The following RIPOR1 variants were observed in gnomAD, a reference collection of about 807,000 sequenced individuals.
The protein encoded by RIPOR1 is RHO family interacting cell polarization regulator 1, also known as rho family-interacting cell polarization regulator 1.
RIPOR1 carries 58 observed loss-of-function variants against 116.5 expected under a neutral mutation model. The observed-to-expected ratio is 0.50, with a 90% CI of 0.40 to 0.62. RIPOR1 has a LOEUF of 0.62. Ranked by LOEUF, RIPOR1 falls within the 20% of genes least tolerant of loss-of-function variation. The pLI is 0.00. For synonymous variants in RIPOR1, 605 were observed against 650.0 expected, an observed-to-expected ratio of 0.93 and a Z score of 1.05; for missense variants, 1,372 against 1,586.2, an observed-to-expected ratio of 0.86 and a Z score of 2.29.
At position 67,529,693 on chromosome 16, in the gene RIPOR1, G is replaced by A; in HGVS notation, c.-24+779G>A. ...CCCTCCCCAGCCAGTTCTAACGTGT[G>A]TCCAGGCTGGCCGCCCCAGCACCTA... On this transcript the variant is annotated intron_variant, in intron 1 of 21. Transcript: ENST00000042381. This position sits in a 1 kb window ranked among gnomAD's most constrained non-coding sequence, Gnocchi z 4.1. The A allele has an allele frequency of 6.8e-7, 1 of 1,461,738 alleles. No homozygotes were observed. Among genetic ancestry groups the A allele is most frequent in the Non-Finnish European group, 9.2e-7 (1 of 1,091,180 alleles). 90.5% of individuals were successfully genotyped at this position (1,461,738 alleles called of 1,614,324 possible).
In RIPOR1 at chr16:67,545,764, C is replaced by T. The variant is rs774470272; in HGVS notation, c.3291C>T (p.Ala1097=). The part of the protein sequence containing the change: ...EGRLRRDGLR[A]LSSLLVHGNN... ...GTCTGCGAAGGGACGGGCTGCGGGC[C>T]CTCAGCTCCCTGCTCGTCCATGGCA... The change falls in exon 19 of 22, where the codon GCC becomes GCT. Residue 1097 remains alanine (A), a synonymous_variant. Coordinates refer to ENST00000042381, the MANE Select transcript of RIPOR1 (RefSeq NM_024519.4). This position sits in a 1 kb window ranked among gnomAD's most constrained non-coding sequence, Gnocchi z 4.8. 1.6e-5 allele frequency: 26 copies of T among 1,612,590 alleles called. No individual in the cohort carries two copies. The South Asian group carries it at 2.9e-4, about 18-fold the overall frequency.
chr16:67,538,235 G>C (rs113891100), intron 1 of RIPOR1, 189 bp from the exon 2 acceptor site: 1 of 617,936 alleles, frequency 1.6e-6, no homozygotes, highest in African/African-American at 1.9e-5. Flanking sequence ...CGCTGAGTCC[G>C]AGGCCGAGTC....
Position 67,530,325 on chromosome 16 carries a change from G to T in RIPOR1, c.-24+1411G>T, listed in dbSNP as rs2050624568. Among the ~76,000 whole-genome samples the T allele has an allele frequency of 6.6e-6, 1 of 152,198 alleles. No individual in the cohort carries two copies. On this transcript the variant is annotated intron_variant, in intron 1 of 21. Transcript: ENST00000042381. The surrounding 1 kb of genome is among the most constrained non-coding windows in gnomAD (Gnocchi z 4.5). ...AGGGAGGGGGCCGGCAGGAAGTGAG[G>T]CCACCCGACAGCCTCCGCCCGGTTC... is the stretch of plus-strand genomic sequence containing the variant.
At position 67,529,960 on chromosome 16, in the gene RIPOR1, G is replaced by C. The variant is rs911569120; in HGVS notation, c.-24+1046G>C. 1.0e-5 allele frequency: 8 copies of C among 786,754 alleles called. No homozygotes were observed. Among genetic ancestry groups the C allele is most frequent in the Admixed American group, 1.0e-4 (5 of 49,762 alleles). The allele number at this position is 786,754 out of a possible 1,614,324, so 48.7% of individuals were successfully genotyped here. ...ACCCACCTCCGTGGTATTGGAGGGAGGAGAGGAATGATAATTGGGGGCTGA... is the reference window on the plus strand; with the variant it reads ...ACCCACCTCCGTGGTATTGGAGGGACGAGAGGAATGATAATTGGGGGCTGA... On this transcript the variant is annotated intron_variant, in intron 1 of 21. Coordinates refer to ENST00000042381, the MANE Select transcript of RIPOR1 (RefSeq NM_024519.4). The surrounding 1 kb of genome is among the most constrained non-coding windows in gnomAD (Gnocchi z 4.1).
intron 1 of RIPOR1, among the ~76,000 whole-genome samples, chr16:67,536,835 C>T (rs1415706911): frequency 6.6e-6 from 1 of 152,186 alleles, no homozygotes; most frequent in East Asian, 1.9e-4. Flanking sequence ...AATCAGCACC[C>T]TTAGCCCATC....
chr16:67,527,683 T>C (rs1377769201), upstream of RIPOR1, among the ~76,000 whole-genome samples: 2 of 152,124 alleles, frequency 1.3e-5, no homozygotes, highest in Non-Finnish European at 2.9e-5. Flanking sequence ...GAGACCATCC[T>C]GGCTAACATG....
In RIPOR1 at chr16:67,544,268, T is replaced by C; in HGVS notation, c.2601-31T>C. ...TGGTGACCAGGTGGTGATGTGTGCC[T>C]GTGGGGTGGTGGACCCCATTTTTCC... On this transcript the variant is annotated intron_variant, in intron 14 of 21. Transcript: ENST00000042381. This position sits in a 1 kb window ranked among gnomAD's most constrained non-coding sequence, Gnocchi z 5.1. 1 of 1,582,096 alleles carries C rather than the reference T, an allele frequency of 6.3e-7. No homozygotes were observed. The highest frequency in any genetic ancestry group is 2.3e-5 in the East Asian group (1 of 44,018).
At chr16:67,538,642 T>C in intron 2 of RIPOR1, 30 bp from the exon 3 acceptor site, 2 of 1,610,828 alleles carry the variant, frequency 1.2e-6, no homozygotes, top group Non-Finnish European at 1.7e-6. Flanking sequence ...ACTCCTGCTC[T>C]CCTCTTTCTG....
Position 67,537,695 on chromosome 16 carries a change from TG to T in RIPOR1, c.-23-724del, listed in dbSNP as rs1479275692. 2.4e-6 allele frequency: 2 copies of T among 827,824 alleles called. No homozygotes were observed. Among genetic ancestry groups the T allele is most frequent in the Non-Finnish European group, 1.6e-6 (1 of 610,590 alleles). The allele number at this position is 827,824 out of a possible 1,614,324, so 51.3% of individuals were successfully genotyped here. ...GAGTGTGTGTTTCGCCGAAGCGGGG[TG>T]GGGGTCTGCCGAGGAGCTCTCCCCG... On this transcript the variant is annotated intron_variant, in intron 1 of 21. Coordinates refer to ENST00000042381, the MANE Select transcript of RIPOR1 (RefSeq NM_024519.4). This position sits in a 1 kb window ranked among gnomAD's most constrained non-coding sequence, Gnocchi z 4.6.
intron 5 of RIPOR1, 28 bp downstream of exon 5, chr16:67,539,779 G>A: frequency 6.2e-7 from 1 of 1,614,182 alleles, no homozygotes; most frequent in Non-Finnish European, 8.5e-7. Context: ...GGTACTGGAA[G>A]GGGTTGGCTC....
chr16:67,526,448 T>C (rs1251186100), upstream of RIPOR1, among the ~76,000 whole-genome samples: 1 of 151,828 alleles, frequency 6.6e-6, no homozygotes, highest in East Asian at 1.9e-4. Context: ...TGGGTGGGCA[T>C]GGTAGGGGGA....
At position 67,531,357 on chromosome 16, in the gene RIPOR1, C is replaced by T. The variant is rs1445660848; in HGVS notation, c.-24+2443C>T. On this transcript the variant is annotated intron_variant, in intron 1 of 21. Coordinates refer to ENST00000042381, the MANE Select transcript of RIPOR1 (RefSeq NM_024519.4). The surrounding 1 kb of genome is among the most constrained non-coding windows in gnomAD (Gnocchi z 4.2). Reference sequence around the variant, plus strand: ...CATCTCCCAGGTGCTACAGGACCCCCAGAGCGCTGTGGTGAGCCAAGCAGA... The same window carrying T: ...CATCTCCCAGGTGCTACAGGACCCCTAGAGCGCTGTGGTGAGCCAAGCAGA... Among the ~76,000 whole-genome samples, 1 of 151,706 alleles carries T rather than the reference C, an allele frequency of 6.6e-6. No homozygotes were observed. Among genetic ancestry groups the T allele is most frequent in the Non-Finnish European group, 1.5e-5 (1 of 67,944 alleles).
Position 67,546,654 on chromosome 16 carries a change from C to T in RIPOR1, c.*191C>T, listed in dbSNP as rs570984931. ...CCTGCAGTCAAGTGCCTCCCAGCCT[C>T]GGCTCAGCACATCCCTTGCCACAAA... On this transcript the variant is annotated 3_prime_UTR_variant, in exon 22 of 22. Transcript: ENST00000042381. 66 of 591,968 alleles carry T rather than the reference C, an allele frequency of 1.1e-4. No individual in the cohort carries two copies. The highest frequency in any genetic ancestry group is 4.5e-4 in the Admixed American group (15 of 33,290). 36.7% of individuals were successfully genotyped at this position (591,968 alleles called of 1,614,324 possible). A position where few individuals can be genotyped will look rare whatever the true frequency, so the allele number is the denominator to read the frequency against.
Position 67,529,177 on chromosome 16 carries a change from C to A in RIPOR1, c.-24+263C>A, listed in dbSNP as rs1018134533. Among the ~76,000 whole-genome samples, 6 of 152,320 alleles carry A rather than the reference C, an allele frequency of 3.9e-5. No homozygotes were observed. Among genetic ancestry groups the A allele is most frequent in the East Asian group, 1.9e-4 (1 of 5,180 alleles). Reference sequence around the variant, plus strand: ...CCTTCCTCCCACGGCAAGGCCCTGGCGGCCGGTGCCCCGGGGCGCTGGGAT... The same window carrying A: ...CCTTCCTCCCACGGCAAGGCCCTGGAGGCCGGTGCCCCGGGGCGCTGGGAT... On this transcript the variant is annotated intron_variant, in intron 1 of 21. Coordinates refer to ENST00000042381, the MANE Select transcript of RIPOR1 (RefSeq NM_024519.4). This position sits in a 1 kb window ranked among gnomAD's most constrained non-coding sequence, Gnocchi z 4.1.
intron 1 of RIPOR1, among the ~76,000 whole-genome samples, chr16:67,519,292 A>AAG (rs997229498): frequency 1.3e-5 from 2 of 151,832 alleles, no homozygotes; most frequent in African/African-American, 4.8e-5. Context: ...AAAAAAAAAA[A>AAG]AAACACTTCA....
In RIPOR1 at chr16:67,529,728, G is replaced by T; in HGVS notation, c.-24+814G>T. On this transcript the variant is annotated intron_variant, in intron 1 of 21. Coordinates refer to ENST00000042381, the MANE Select transcript of RIPOR1 (RefSeq NM_024519.4). This position sits in a 1 kb window ranked among gnomAD's most constrained non-coding sequence, Gnocchi z 4.1. ...GCCGCCCCAGCACCTACTGTGCGCA[G>T]CCTCGTGTAACAATACTTGTGCCCT... is the stretch of plus-strand genomic sequence containing the variant. The T allele has an allele frequency of 6.5e-7, 1 of 1,530,398 alleles. No homozygotes were observed. The highest frequency in any genetic ancestry group is 8.7e-7 in the Non-Finnish European group (1 of 1,144,532). 94.8% of individuals were successfully genotyped at this position (1,530,398 alleles called of 1,614,324 possible). A position where few individuals can be genotyped will look rare whatever the true frequency, so the allele number is the denominator to read the frequency against.
upstream of RIPOR1, among the ~76,000 whole-genome samples, chr16:67,527,281 G>A (rs997710290): frequency 2.6e-5 from 4 of 151,176 alleles, no homozygotes; most frequent in Middle Eastern, 3.2e-3. Context: ...AAAATTAGCC[G>A]GGACATCTCT....
chr16:67,539,112 GAGGGCTGGGCA>G (rs1377739111), intron 4 of RIPOR1, 44 bp downstream of exon 4: 2 of 1,559,770 alleles, frequency 1.3e-6, no homozygotes, highest in Non-Finnish European at 1.8e-6. Flanking sequence ...CTTTGGTGTG[GAGGGCTGGGCA>G]AGGGCAGCCC....
chr16:67,529,085 G>C lies in RIPOR1; in HGVS notation c.-24+171G>C, dbSNP rs1377933480. ...CCTTGTCTTTCCTCCCCTCCCCCCG[G>C]GCGTGGAGAACGCAGCTTCTCCCAC... is the stretch of plus-strand genomic sequence containing the variant. On this transcript the variant is annotated intron_variant, in intron 1 of 21. Transcript: ENST00000042381. The surrounding 1 kb of genome is among the most constrained non-coding windows in gnomAD (Gnocchi z 4.1). Among the ~76,000 whole-genome samples the C allele has an allele frequency of 6.6e-6, 1 of 152,114 alleles. No individual in the cohort carries two copies. Among genetic ancestry groups the C allele is most frequent in the Non-Finnish European group, 1.5e-5 (1 of 67,974 alleles).
Sources: gnomAD v4.1 joint callset for allele counts (sites outside exome capture counted in the v4.1 genomes callset) on GRCh38, gnomAD v4.1.1 for gene constraint, Gnocchi (gnomAD v3.1) non-coding constraint, MANE v1.5 for transcripts, NCBI Gene and HGNC (gene_info 2026-07-23, HGNC 2026-07-21) for gene names.